MACROD2: variants seen among roughly 807,000 people sequenced by gnomAD.
The protein encoded by MACROD2 is ADP-ribose glycohydrolase MACROD2.
MACROD2 carries 36 observed loss-of-function variants against 70.4 expected under a neutral mutation model. The ratio of observed to expected loss-of-function variants is 0.51; its 90% CI spans 0.39 to 0.68. The LOEUF is 0.68. Among genes scored for constraint, MACROD2 ranks in the 30% least tolerant of loss-of-function variants. MACROD2 has a pLI of 0.00. For missense variants in MACROD2, 496 were observed against 538.4 expected (o/e 0.92, Z 0.78); for synonymous variants, 172 against 178.8 (o/e 0.96, Z 0.30).
chr20:14,007,012 G>A (rs1254279660), intron 2 of MACROD2, among the ~76,000 whole-genome samples: 1 of 152,128 alleles, frequency 6.6e-6, no homozygotes. Flanking sequence ...CTGGGTTCAT[G>A]TATTGTCAGC....
intron 3 of MACROD2, among the ~76,000 whole-genome samples, chr20:14,187,188 G>T (rs777620418): frequency 3.1e-4 from 46 of 148,590 alleles, no homozygotes; most frequent in Non-Finnish European, 5.8e-4. Context: ...ATACTTTTTA[G>T]TTGACTATTC....
At chr20:15,207,562 C>T (rs1158176749) in intron 5 of MACROD2, among the ~76,000 whole-genome samples, 2 of 150,848 alleles carry the variant, frequency 1.3e-5, no homozygotes, top group African/African-American at 4.9e-5. Flanking sequence ...CCTGACTCAG[C>T]CTCCCGAGTA....
intron 5 of MACROD2, among the ~76,000 whole-genome samples, chr20:15,178,129 T>C (rs2076475418): frequency 6.6e-6 from 1 of 152,160 alleles, no homozygotes; most frequent in African/African-American, 2.4e-5. Context: ...CTGCCTCAGG[T>C]TACTTAAAAG....
At chr20:15,784,941 G>A (rs1195409901) in intron 8 of MACROD2, among the ~76,000 whole-genome samples, 1 of 151,602 alleles carries the variant, frequency 6.6e-6, no homozygotes, top group Non-Finnish European at 1.5e-5. Flanking sequence ...CAGGTCAGGA[G>A]ATCGAGACCA....
intron 7 of MACROD2, among the ~76,000 whole-genome samples, chr20:15,461,888 G>A (rs555692966): frequency 5.9e-4 from 90 of 152,192 alleles, no homozygotes; most frequent in Non-Finnish European, 8.1e-4. Flanking sequence ...CCTTTTCTAT[G>A]TAAAAACAAC....
chr20:15,994,112 T>C (rs2066595953), intron 15 of MACROD2, among the ~76,000 whole-genome samples: 1 of 152,216 alleles, frequency 6.6e-6, no homozygotes, highest in Non-Finnish European at 1.5e-5. Context: ...TTGTTCACTA[T>C]TTGATACATT....
At chr20:15,282,028 C>A (rs1470502406) in intron 6 of MACROD2, among the ~76,000 whole-genome samples, 1 of 152,250 alleles carries the variant, frequency 6.6e-6, no homozygotes, top group Non-Finnish European at 1.5e-5. Context: ...CCAACCAAGG[C>A]TTGGGGCTTG....
At chr20:14,503,440 T>C (rs1877709150) in intron 4 of MACROD2, among the ~76,000 whole-genome samples, 1 of 152,156 alleles carries the variant, frequency 6.6e-6, no homozygotes, top group African/African-American at 2.4e-5. Context: ...TTGAGGCTGC[T>C]AGAGAATCTG....
chr20:14,884,509 G>C (rs377290299), intron 5 of MACROD2: 2 of 152,134 alleles, frequency 1.3e-5, no homozygotes, highest in African/African-American at 4.8e-5. Context: ...CTCTTTTTCA[G>C]TCTGGTACAG....
At chr20:15,411,963 C>A (rs955685198) in intron 6 of MACROD2, among the ~76,000 whole-genome samples, 4 of 152,150 alleles carry the variant, frequency 2.6e-5, no homozygotes, top group South Asian at 2.1e-4. Context: ...CTGTGGGTGT[C>A]TTGCACCTCT....
intron 5 of MACROD2, among the ~76,000 whole-genome samples, chr20:14,954,572 TGTATAAA>T (rs1182414362): frequency 7.3e-6 from 1 of 137,254 alleles, no homozygotes; most frequent in Non-Finnish European, 1.5e-5. Flanking sequence ...AATATATAAA[TGTATAAA>T]TTATAAATTA....
At chr20:14,785,364 T>C (rs375858390) in intron 5 of MACROD2, among the ~76,000 whole-genome samples, 63 of 152,074 alleles carry the variant, frequency 4.1e-4, no homozygotes, top group African/African-American at 1.1e-3. Flanking sequence ...ACTTGTAAGC[T>C]AATCTAATTT....
At chr20:14,793,414 A>G (rs2072473300) in intron 5 of MACROD2, among the ~76,000 whole-genome samples, 1 of 151,986 alleles carries the variant, frequency 6.6e-6, no homozygotes, top group Non-Finnish European at 1.5e-5. Flanking sequence ...TTCATTACAT[A>G]GACTGATACT....
chr20:15,651,526 C>T (rs2049642815), intron 8 of MACROD2, among the ~76,000 whole-genome samples: 1 of 152,102 alleles, frequency 6.6e-6, no homozygotes, highest in South Asian at 2.1e-4. Context: ...GGGTTTTATG[C>T]TTTTAATCCA....
At chr20:14,450,103 GAC>G (rs1211869244) in intron 3 of MACROD2, among the ~76,000 whole-genome samples, 2 of 152,012 alleles carry the variant, frequency 1.3e-5, no homozygotes, top group African/African-American at 4.8e-5. Flanking sequence ...AATAGACAAT[GAC>G]AATATCTAAT....
In MACROD2 at chr20:14,594,109, A is replaced by G. The variant is rs539880826; in HGVS notation, c.302-90734A>G. Among the ~76,000 whole-genome samples, 6 of 152,326 alleles carry G rather than the reference A, an allele frequency of 3.9e-5. No individual in the cohort carries two copies. In the South Asian group the frequency reaches 1.2e-3, roughly 32 times the overall value. ...GCCAATGAAGATAGTAGGAGTACAAAGGAGGAGAAACTAACTTTGCCTCAG... is the reference window on the plus strand; with the variant it reads ...GCCAATGAAGATAGTAGGAGTACAAGGGAGGAGAAACTAACTTTGCCTCAG... On this transcript the variant is annotated intron_variant, in intron 4 of 17. Coordinates refer to ENST00000684519, the MANE Select transcript of MACROD2 (RefSeq NM_001351661.2).
intron 5 of MACROD2, among the ~76,000 whole-genome samples, chr20:14,888,921 A>G (rs1405538867): frequency 6.6e-6 from 1 of 152,100 alleles, no homozygotes; most frequent in Non-Finnish European, 1.5e-5. Flanking sequence ...ATCCTTCTTC[A>G]TAGAGGGTTT....
intron 5 of MACROD2, among the ~76,000 whole-genome samples, chr20:15,175,137 A>T (rs922861425): frequency 6.6e-6 from 1 of 152,078 alleles, no homozygotes; most frequent in Non-Finnish European, 1.5e-5. Flanking sequence ...AGGAACACGG[A>T]TGAAATTGGA....
intron 15 of MACROD2, among the ~76,000 whole-genome samples, chr20:16,038,052 T>C (rs2067258108): frequency 6.6e-6 from 1 of 151,960 alleles, no homozygotes; most frequent in Non-Finnish European, 1.5e-5. Flanking sequence ...AATCTTTTTT[T>C]TTTTAACACT....
Sources: gnomAD v4.1 joint callset for allele counts (sites outside exome capture counted in the v4.1 genomes callset) on GRCh38, gnomAD v4.1.1 for gene constraint, MANE v1.5 for transcripts, NCBI Gene and HGNC (gene_info 2026-07-23, HGNC 2026-07-21) for gene names.